METAP1: variants seen among roughly 807,000 people sequenced by gnomAD.
METAP1 encodes methionyl aminopeptidase 1, also known as methionine aminopeptidase 1.
A neutral mutation model predicts 53.8 loss-of-function variants in METAP1; 28 were observed. The ratio of observed to expected loss-of-function variants is 0.52; its 90% confidence interval spans 0.39 to 0.71. METAP1 has a LOEUF of 0.71. Among genes scored for constraint, METAP1 ranks in the 30% least tolerant of loss-of-function variants. The pLI is 0.00. For synonymous variants in METAP1, 181 were observed against 165.7 expected (o/e 1.09, Z -0.71); for missense variants, 389 against 479.8 (o/e 0.81, Z 1.77).
intron 1 of METAP1, among the ~76,000 whole-genome samples, chr4:99,014,849 C>T (rs1723666419): frequency 6.6e-6 from 1 of 152,180 alleles, no homozygotes; most frequent in Non-Finnish European, 1.5e-5. Flanking sequence ...AGTGCCTTAC[C>T]TCCCTGCATC....
At chr4:99,060,614 C>G (rs1416520592) in intron 10 of METAP1, among the ~76,000 whole-genome samples, 1 of 152,124 alleles carries the variant, frequency 6.6e-6, no homozygotes, top group East Asian at 1.9e-4. Context: ...CTGCCCGCCT[C>G]GGCCTCCCAA....
At chr4:99,061,064 C>T in intron 10 of METAP1, 90 bp from the exon 11 acceptor site, 4 of 1,350,932 alleles carry the variant, frequency 3.0e-6, no homozygotes, top group Non-Finnish European at 4.1e-6. Context: ...AAATAAGGAT[C>T]TTAGTAGTGA....
At chr4:99,027,212 A>G (rs774026965) in intron 1 of METAP1, among the ~76,000 whole-genome samples, 2 of 152,246 alleles carry the variant, frequency 1.3e-5, no homozygotes, top group Admixed American at 6.5e-5. Flanking sequence ...TACAAAAACC[A>G]GATTAATAGG....
chr4:99,039,373 G>T lies in METAP1; in HGVS notation c.341-1G>T. The T allele has an allele frequency of 6.3e-7, 1 of 1,595,778 alleles. No individual in the cohort carries two copies. The highest frequency in any genetic ancestry group is 8.6e-7 in the Non-Finnish European group (1 of 1,166,734). On this transcript the variant is annotated splice_acceptor_variant, in intron 4 of 10. Coordinates refer to ENST00000296411, the MANE Select transcript of METAP1 (RefSeq NM_015143.3). LOFTEE classifies it high-confidence loss of function. ...TTTTACTTACCGAATTTTCATTCCA[G>T]GAATGTCTGAATCTGAACAGGCTCT...
At chr4:98,999,728 G>T (rs35933543) in intron 1 of METAP1, among the ~76,000 whole-genome samples, 9,384 of 151,256 alleles carry the variant, frequency 0.062, 1,006 homozygotes, top group African/African-American at 0.22. Flanking sequence ...AGCTAGGATG[G>T]TCTGTAACTC....
intron 1 of METAP1, among the ~76,000 whole-genome samples, chr4:99,003,068 A>AC (rs1553939783): frequency 2.0e-5 from 3 of 151,524 alleles, no homozygotes; most frequent in Non-Finnish European, 4.4e-5. Flanking sequence ...GACTGTCTCA[A>AC]AAACAAACAA....
chr4:99,035,511 C>T, intron 4 of METAP1, 51 bp downstream of exon 4: 3 of 1,339,982 alleles, frequency 2.2e-6, no homozygotes, highest in Non-Finnish European at 3.1e-6. Flanking sequence ...GGCTTGATGA[C>T]TACTGCAAAG....
At chr4:99,025,317 G>T in intron 1 of METAP1, 4 of 946,802 alleles carry the variant, frequency 4.2e-6, no homozygotes, top group Non-Finnish European at 5.0e-6. Flanking sequence ...AGTTGGTTAG[G>T]TCAGATCTCT....
Position 99,048,771 on chromosome 4 carries a change from A to G in METAP1, c.826A>G (p.Ile276Val). ...TCGGTACAGAGAATTGGGAAACATT[A>G]TCCAGAAGCATGCCCAAGCAAATGG... ...GVRYRELGNI[I>V]QKHAQANGFS... The change falls in exon 9 of 11, where the codon ATC becomes GTC. Residue 276 changes from isoleucine (I) to valine (V), a missense_variant. Physicochemically the swap from Ile to Val is conservative, Grantham distance 29 (BLOSUM62 3). Transcript: ENST00000296411. The G allele has an allele frequency of 6.2e-7, 1 of 1,614,010 alleles. No individual in the cohort carries two copies. The highest frequency in any genetic ancestry group is 8.5e-7 in the Non-Finnish European group (1 of 1,179,870).
intron 1 of METAP1, among the ~76,000 whole-genome samples, chr4:99,003,500 T>C (rs1723017334): frequency 6.6e-6 from 1 of 152,188 alleles, no homozygotes; most frequent in Admixed American, 6.5e-5. Flanking sequence ...GTAATAGGGA[T>C]GGGATTGACT....
chr4:99,045,381 G>C, intron 8 of METAP1, 71 bp downstream of exon 8: 1 of 1,561,986 alleles, frequency 6.4e-7, no homozygotes, highest in Non-Finnish European at 8.7e-7. Context: ...GGGCGCTGCA[G>C]TTCTGTGCAT....
chr4:99,020,921 T>A (rs1407475029), intron 1 of METAP1, among the ~76,000 whole-genome samples: 1 of 152,176 alleles, frequency 6.6e-6, no homozygotes, highest in African/African-American at 2.4e-5. Flanking sequence ...CAGGAGGGAT[T>A]CAGTCTTTCT....
intron 9 of METAP1, among the ~76,000 whole-genome samples, chr4:99,053,203 G>A (rs751325241): frequency 1.3e-5 from 2 of 152,152 alleles, no homozygotes; most frequent in Admixed American, 6.6e-5. Context: ...TTCCTCTCAT[G>A]CATCACACAA....
chr4:99,040,679 G>C (rs576405407), intron 5 of METAP1, among the ~76,000 whole-genome samples: 3 of 138,944 alleles, frequency 2.2e-5, no homozygotes, highest in African/African-American at 8.1e-5. Context: ...TTTTTTTTAA[G>C]AGACAGGATC....
At chr4:99,055,493 C>T (rs1479881122) in intron 9 of METAP1, among the ~76,000 whole-genome samples, 1 of 151,968 alleles carries the variant, frequency 6.6e-6, no homozygotes, top group Non-Finnish European at 1.5e-5. Context: ...TACAGTCATT[C>T]TGTGAGAGAC....
intron 1 of METAP1, chr4:99,023,888 G>A: frequency 1.5e-6 from 1 of 657,314 alleles, no homozygotes; most frequent in Non-Finnish European, 1.9e-6. Flanking sequence ...ACTTATTCAT[G>A]CAGAGCCAGC....
At chr4:98,996,534 A>T (rs1318469684) in intron 1 of METAP1, among the ~76,000 whole-genome samples, 3 of 152,246 alleles carry the variant, frequency 2.0e-5, no homozygotes, top group African/African-American at 7.2e-5. Context: ...TTCGGTATAT[A>T]AAATTATTAA....
intron 2 of METAP1, among the ~76,000 whole-genome samples, chr4:99,029,356 A>G (rs1360002855): frequency 6.6e-6 from 1 of 152,044 alleles, no homozygotes; most frequent in Non-Finnish European, 1.5e-5. Context: ...TGGTGTTTTA[A>G]TGTTATTACC....
At chr4:98,996,155 C>G (rs944037441) in intron 1 of METAP1, among the ~76,000 whole-genome samples, 5 of 152,074 alleles carry the variant, frequency 3.3e-5, no homozygotes, top group Admixed American at 6.5e-5. Context: ...CCGCGCTAGA[C>G]CTCCGCGTTC....
Sources: gnomAD v4.1 joint callset for allele counts (sites outside exome capture counted in the v4.1 genomes callset) on GRCh38, gnomAD v4.1.1 for gene constraint, MANE v1.5 for transcripts, NCBI Gene and HGNC (gene_info 2026-07-23, HGNC 2026-07-21) for gene names.